The following BPTF variants were observed in gnomAD, a reference collection of about 807,000 sequenced individuals.
BPTF encodes the protein nucleosome-remodeling factor subunit BPTF.
BPTF carries 18 observed loss-of-function variants against 292.5 expected under a neutral mutation model. That is an observed-to-expected ratio of 0.06 (90% CI 0.04 to 0.09). The LOEUF is 0.09. BPTF is among the 10% of genes least tolerant of loss of function. The pLI, the probability that BPTF is intolerant of heterozygous loss-of-function variation, is 1.00. For missense variants in BPTF, 2,726 were observed against 3,498.7 expected, an observed-to-expected ratio of 0.78 and a Z score of 5.57; for synonymous variants, 1,225 against 1,251.9, an observed-to-expected ratio of 0.98 and a Z score of 0.45.
intron 4 of BPTF, among the ~76,000 whole-genome samples, chr17:67,888,914 G>GT (rs780073818): frequency 6.6e-6 from 1 of 152,218 alleles, no homozygotes; most frequent in Non-Finnish European, 1.5e-5. Flanking sequence ...CAGGTTTGGG[G>GT]TTTTTTCTGA....
intron 11 of BPTF, among the ~76,000 whole-genome samples, chr17:67,914,909 C>A (rs954016097): frequency 1.3e-5 from 2 of 152,096 alleles, no homozygotes; most frequent in African/African-American, 4.8e-5. Flanking sequence ...TGTATGCTAA[C>A]GTCTTAATTT....
Position 67,911,748 on chromosome 17 carries a change from T to C in BPTF, c.3864T>C (p.Thr1288=). ...GATGTGACTCTGAATCTAATAGCAC[T>C]TTGGAAAATAGTTCTGATACCGTGT... ...KLGCDSESNS[T]LENSSDTVSI... Residue 1288 remains threonine, a synonymous_variant, in exon 11 of 28, where the codon ACT becomes ACC. Transcript: ENST00000306378. The C allele has an allele frequency of 6.2e-7, 1 of 1,614,176 alleles. No individual in the cohort carries two copies. Among genetic ancestry groups the C allele is most frequent in the Non-Finnish European group, 8.5e-7 (1 of 1,180,028 alleles).
Position 67,922,691 on chromosome 17 carries a change from A to C in BPTF, c.5558-149A>C, listed in dbSNP as rs12600941. Reference sequence around the variant, plus strand: ...TTACGTATTGTCTTTGGCTGCTTTCATGATACAAAGGCACAGCTGAGTAGC... The same window carrying C: ...TTACGTATTGTCTTTGGCTGCTTTCCTGATACAAAGGCACAGCTGAGTAGC... On this transcript the variant is annotated intron_variant, in intron 13 of 27. Coordinates refer to ENST00000306378, the MANE Select transcript of BPTF (RefSeq NM_182641.4). 2.6e-5 allele frequency: 21 copies of C among 802,602 alleles called. No homozygotes were observed. In the East Asian group the frequency reaches 5.6e-4, roughly 21 times the overall value. The allele number at this position is 802,602 out of a possible 1,614,324, so 49.7% of individuals were successfully genotyped here.
At chr17:67,845,257 T>G (rs1042279764) in intron 1 of BPTF, among the ~76,000 whole-genome samples, 4 of 152,210 alleles carry the variant, frequency 2.6e-5, no homozygotes, top group African/African-American at 9.7e-5. Flanking sequence ...GTAAGGTGAT[T>G]CTTTGAGAAT....
intron 4 of BPTF, among the ~76,000 whole-genome samples, chr17:67,883,662 C>T (rs1021399924): frequency 5.9e-5 from 9 of 152,186 alleles, no homozygotes; most frequent in Admixed American, 2.6e-4. Flanking sequence ...TGCAGTGGCA[C>T]GGTCTTGGCT....
At chr17:67,840,130 G>T (rs1174187341) in intron 1 of BPTF, among the ~76,000 whole-genome samples, 2 of 146,080 alleles carry the variant, frequency 1.4e-5, no homozygotes, top group African/African-American at 2.6e-5. Context: ...TTGAGATAGG[G>T]TCTTGCTTGT....
At chr17:67,896,487 G>A (rs2061464975) in intron 7 of BPTF, among the ~76,000 whole-genome samples, 1 of 151,728 alleles carries the variant, frequency 6.6e-6, no homozygotes, top group African/African-American at 2.4e-5. Flanking sequence ...AGTGCACATA[G>A]ACCCCTTGAA....
intron 12 of BPTF, 21 bp downstream of exon 12, chr17:67,918,859 T>C (rs554090723): frequency 1.9e-6 from 3 of 1,609,750 alleles, no homozygotes; most frequent in Non-Finnish European, 2.5e-6. Flanking sequence ...AGGGAGTTAT[T>C]TTCTAATTTA....
In BPTF at chr17:67,912,748, A is replaced by G. The variant is rs780473362; in HGVS notation, c.4864A>G (p.Lys1622Glu). The G allele has an allele frequency of 1.4e-5, 23 of 1,613,998 alleles. No homozygotes were observed. Among genetic ancestry groups the G allele is most frequent in the East Asian group, 2.2e-5 (1 of 44,904 alleles). ...GGTTTCTTCCACAGAAAATTGTGCAAAATCCACTGTCACAACCACCACTAC... is the reference window on the plus strand; with the variant it reads ...GGTTTCTTCCACAGAAAATTGTGCAGAATCCACTGTCACAACCACCACTAC... ...TVVSSTENCAKSTVTTTTTTV... is the reference protein window; with the variant it reads ...TVVSSTENCAESTVTTTTTTV... Residue 1622 changes from lysine (K) to glutamate (E), a missense_variant, in exon 11 of 28, where the codon AAA becomes GAA. Physicochemically the swap from Lys to Glu is moderately conservative, Grantham distance 56. Around this residue, in one of 22 missense-constraint regions of BPTF, gnomAD observed 144 missense variants for 177.2 expected, o/e 0.81. Coordinates refer to ENST00000306378, the MANE Select transcript of BPTF (RefSeq NM_182641.4).
intron 1 of BPTF, among the ~76,000 whole-genome samples, chr17:67,847,693 A>T (rs1307839252): frequency 4.0e-5 from 6 of 151,404 alleles, no homozygotes; most frequent in Non-Finnish European, 8.8e-5. Flanking sequence ...AAAAAAAAAG[A>T]AAAAAGAAAG....
intron 1 of BPTF, among the ~76,000 whole-genome samples, chr17:67,853,051 A>G (rs941945690): frequency 2.0e-5 from 3 of 152,188 alleles, no homozygotes; most frequent in Non-Finnish European, 4.4e-5. Flanking sequence ...CAGGAGACTC[A>G]CTTGAACTTG....
Position 67,844,250 on chromosome 17 carries a change from A to AT in BPTF, c.614-9675dup, listed in dbSNP as rs1184073796. Among the ~76,000 whole-genome samples, 430 of 131,760 alleles carry AT rather than the reference A, an allele frequency of 3.3e-3. 2 individuals are homozygous for AT. Among genetic ancestry groups the AT allele is most frequent in the African/African-American group, 7.6e-3 (273 of 35,902 alleles). 86.4% of individuals were successfully genotyped at this position (131,760 alleles called of 152,430 possible). A position where few individuals can be genotyped will look rare whatever the true frequency, so the allele number is the denominator to read the frequency against. On this transcript the variant is annotated intron_variant, in intron 1 of 27. Transcript: ENST00000306378. ...AGGCATGCACCACCATGTCTGGCGA[A>AT]TTTTTTTTTTTTTTTGAGACGGAGT...
Position 67,930,484 on chromosome 17 carries a change from CCACTG to C in BPTF, c.6150+1001_6150+1005del, listed in dbSNP as rs202012993. 3.5e-3 allele frequency among the ~76,000 whole-genome samples: 530 copies of C among 152,138 alleles called. 3 individuals carry two copies. The highest frequency in any genetic ancestry group is 0.01 in the African/African-American group (424 of 41,510). ...AAAGTGCTGGGATTACAGGCCTGAG[CCACTG>C]CACCTGGCCCAGATATGTAATTTCT... On this transcript the variant is annotated intron_variant, in intron 17 of 27. Coordinates refer to ENST00000306378, the MANE Select transcript of BPTF (RefSeq NM_182641.4).
At chr17:67,904,323 C>T (rs115406022) in intron 8 of BPTF, among the ~76,000 whole-genome samples, 3,384 of 152,272 alleles carry the variant, frequency 0.022, 78 homozygotes, top group African/African-American at 0.054. Flanking sequence ...AGCCACTGCT[C>T]CTGGCCTACT....
chr17:67,825,563 C>G lies in BPTF; in HGVS notation c.-162C>G, dbSNP rs757796037. ...CTGAAGGCGATCCGGAGTGGGGCCC[C>G]AGCAATTCGGATTGAGCCTTCTCCC... On this transcript the variant is annotated 5_prime_UTR_variant, in exon 1 of 28. Coordinates refer to ENST00000306378, the MANE Select transcript of BPTF (RefSeq NM_182641.4). 133 of 431,398 alleles carry G rather than the reference C, an allele frequency of 3.1e-4. No individual in the cohort carries two copies. Among genetic ancestry groups the G allele is most frequent in the Middle Eastern group, 2.0e-3 (3 of 1,518 alleles). The allele number at this position is 431,398 out of a possible 1,614,324, so 26.7% of individuals were successfully genotyped here. A position where few individuals can be genotyped will look rare whatever the true frequency, so the allele number is the denominator to read the frequency against.
Position 67,913,718 on chromosome 17 carries a change from G to C in BPTF, c.5303+531G>C, listed in dbSNP as rs149451348. Among the ~76,000 whole-genome samples the C allele has an allele frequency of 2.1e-3, 324 of 152,252 alleles. 2 individuals carry two copies. The highest frequency in any genetic ancestry group is 6.0e-3 in the Admixed American group (92 of 15,294). On this transcript the variant is annotated intron_variant, in intron 11 of 27. Coordinates refer to ENST00000306378, the MANE Select transcript of BPTF (RefSeq NM_182641.4). ...AATAGGTAGTCTCTAAGATTCCTTA[G>C]AAATTTTTTTAAACCCAGAAATAGT... is the stretch of plus-strand genomic sequence containing the variant.
Position 67,904,857 on chromosome 17 carries a change from A to C in BPTF, c.2812+17A>C. 1 of 1,597,336 alleles carries C rather than the reference A, an allele frequency of 6.3e-7. No individual in the cohort carries two copies. The highest frequency in any genetic ancestry group is 8.6e-7 in the Non-Finnish European group (1 of 1,166,952). On this transcript the variant is annotated intron_variant, in intron 9 of 27. Transcript: ENST00000306378. ...TAGAAGGAAGTAAGTAATTAAAATT[A>C]CATGTCCTGCATAATCGTTTCTGCT...
intron 4 of BPTF, chr17:67,875,561 A>C: frequency 6.6e-7 from 1 of 1,519,154 alleles, no homozygotes; most frequent in East Asian, 2.5e-5. Context: ...TGTAGAGCCA[A>C]CAGAAGTTGG....
chr17:67,913,280 A>C (rs2062769403), intron 11 of BPTF, 93 bp downstream of exon 11: 1 of 1,458,468 alleles, frequency 6.9e-7, no homozygotes, highest in South Asian at 1.4e-5. Context: ...GAGATAATAG[A>C]GATAAGACAG....
Sources: allele counts gnomAD v4.1 joint callset (sites outside exome capture counted in the v4.1 genomes callset), GRCh38; gene constraint gnomAD v4.1.1; regional missense constraint gnomAD v4.1.1; transcripts MANE v1.5; gene names NCBI Gene and HGNC (gene_info 2026-07-23, HGNC 2026-07-21).